Variants in DMXL2 observed in about 807,000 individuals in gnomAD.
DMXL2 encodes the protein dmX-like protein 2.
Under a neutral mutation model 331.1 loss-of-function variants are expected in DMXL2, and 103 were observed. The ratio of observed to expected loss-of-function variants is 0.31; its 90% CI spans 0.27 to 0.37. DMXL2 has a LOEUF of 0.37. Ranked by LOEUF, DMXL2 falls within the 10% of genes least tolerant of loss-of-function variation. DMXL2 has a pLI of 1.00. For synonymous variants in DMXL2, 1,281 were observed against 1,252.1 expected (o/e 1.02, Z -0.49); for missense variants, 3,171 against 3,642.9 (o/e 0.87, Z 3.33).
chr15:51,535,720 ATAGAGTCTCAGATT>A lies in DMXL2; in HGVS notation c.2365_2378del (p.Asn789SerfsTer12). On this transcript the variant is annotated frameshift_variant, in exon 13 of 44. Coordinates refer to ENST00000560891, the MANE Select transcript of DMXL2 (RefSeq NM_001378457.1). LOFTEE classifies it high-confidence loss of function. ...ATTTCCTTGCATCCACTACAGCTTG[ATAGAGTCTCAGATT>A]TTTGCCATCAGAAGCAACAAAGCAA... 6.2e-7 allele frequency: 1 copy of A among 1,610,388 alleles called. No individual in the cohort carries two copies. The highest frequency in any genetic ancestry group is 8.5e-7 in the Non-Finnish European group (1 of 1,178,132).
Position 51,536,575 on chromosome 15 carries a change from G to A in DMXL2, c.1905C>T (p.Thr635=). Residue 635 remains threonine (T), a synonymous_variant, in exon 12 of 44, where the codon ACC becomes ACT. Coordinates refer to ENST00000560891, the MANE Select transcript of DMXL2 (RefSeq NM_001378457.1). The part of the protein sequence containing the change: ...AVTFADKSAF[T]TVLTVSHKFR... ...ATTTGTGAGATACAGTTAGAACAGTGGTAAAGGCAGACTTATCAGCAAAAG... is the reference window on the plus strand; with the variant it reads ...ATTTGTGAGATACAGTTAGAACAGTAGTAAAGGCAGACTTATCAGCAAAAG... 6.2e-7 allele frequency: 1 copy of A among 1,613,914 alleles called. No homozygotes were observed. The highest frequency in any genetic ancestry group is 8.5e-7 in the Non-Finnish European group (1 of 1,179,946).
chr15:51,451,032 G>GAGTT (rs909135596), intron 42 of DMXL2, among the ~76,000 whole-genome samples: 3 of 152,226 alleles, frequency 2.0e-5, no homozygotes, highest in Non-Finnish European at 4.4e-5. Context: ...GTGGAAGACA[G>GAGTT]AGTTAGGACA....
At position 51,542,385 on chromosome 15, in the gene DMXL2, A is replaced by C. The variant is rs2140914197; in HGVS notation, c.1053T>G (p.His351Gln). ...TATGAAAATGACAGAGTGCATTTGCATGGTGGGAAATGTGTCTTTGAACTT... is the reference window on the plus strand; with the variant it reads ...TATGAAAATGACAGAGTGCATTTGCCTGGTGGGAAATGTGTCTTTGAACTT... ...MHEVQRHISH[H>Q]ANALCHFHIA... Residue 351 changes from histidine (H) to glutamine (Q), a missense_variant, in exon 9 of 44, where the codon CAT becomes CAG. Coordinates refer to ENST00000560891, the MANE Select transcript of DMXL2 (RefSeq NM_001378457.1). 1 of 1,613,848 alleles carries C rather than the reference A, an allele frequency of 6.2e-7. No individual in the cohort carries two copies. The highest frequency in any genetic ancestry group is 1.7e-4 in the Middle Eastern group (1 of 6,060).
At chr15:51,530,016 T>C (rs974649929) in intron 13 of DMXL2, among the ~76,000 whole-genome samples, 2 of 152,064 alleles carry the variant, frequency 1.3e-5, no homozygotes, top group African/African-American at 4.8e-5. Flanking sequence ...AAAAATTTTT[T>C]AGCATCAATT....
Position 51,582,530 on chromosome 15 carries a change from T to C in DMXL2, c.88-6349A>G, listed in dbSNP as rs987595129. ...GTCTTAAGAGGCCAGTGTTGACATATGAAAAATCTTACAACCAAGAGGACA... is the reference window on the plus strand; with the variant it reads ...GTCTTAAGAGGCCAGTGTTGACATACGAAAAATCTTACAACCAAGAGGACA... On this transcript the variant is annotated intron_variant, in intron 1 of 43. Transcript: ENST00000560891. Among the ~76,000 whole-genome samples the C allele has an allele frequency of 9.2e-5, 14 of 152,158 alleles. No individual in the cohort carries two copies. The East Asian group carries it at 1.5e-3, about 17-fold the overall frequency.
chr15:51,506,936 C>A (rs1422533750), intron 16 of DMXL2, among the ~76,000 whole-genome samples, 198 bp downstream of exon 16: 2 of 151,712 alleles, frequency 1.3e-5, no homozygotes, highest in African/African-American at 4.8e-5. Flanking sequence ...GTCTAATGTG[C>A]CCTTAGGCTG....
At chr15:51,564,316 G>C in intron 4 of DMXL2, 56 bp from the exon 5 acceptor site, 1 of 1,337,632 alleles carries the variant, frequency 7.5e-7, no homozygotes, top group Non-Finnish European at 1.0e-6. Context: ...GGAAATAAAT[G>C]CACATGGGCT....
chr15:51,580,161 A>G (rs1187691569), intron 1 of DMXL2, among the ~76,000 whole-genome samples: 1 of 152,204 alleles, frequency 6.6e-6, no homozygotes, highest in Admixed American at 6.5e-5. Flanking sequence ...TCTATAATTT[A>G]CTCAAAAGAT....
At chr15:51,476,805 T>C in intron 26 of DMXL2, 86 bp from the exon 27 acceptor site, 2 of 1,142,714 alleles carry the variant, frequency 1.8e-6, no homozygotes, top group Non-Finnish European at 2.4e-6. Context: ...TAGACACCTA[T>C]TTTAAGAAAC....
chr15:51,470,600 T>C (rs2041010960), intron 29 of DMXL2, among the ~76,000 whole-genome samples: 1 of 152,168 alleles, frequency 6.6e-6, no homozygotes, highest in Admixed American at 6.5e-5. Flanking sequence ...TATTCCCTCA[T>C]GTGTATGCAC....
chr15:51,533,080 G>C (rs1236466358), intron 13 of DMXL2, among the ~76,000 whole-genome samples: 1 of 152,182 alleles, frequency 6.6e-6, no homozygotes, highest in African/African-American at 2.4e-5. Flanking sequence ...ACCCTTTACA[G>C]TCAGTAGAAT....
In DMXL2 at chr15:51,459,598, C is replaced by T. The variant is rs935020550; in HGVS notation, c.7989G>A (p.Lys2663=). The T allele has an allele frequency of 1.6e-6, 2 of 1,289,648 alleles. No homozygotes were observed. The highest frequency in any genetic ancestry group is 3.0e-5 in the African/African-American group (2 of 65,854). The allele number at this position is 1,289,648 out of a possible 1,614,324, so 79.9% of individuals were successfully genotyped here. A position where few individuals can be genotyped will look rare whatever the true frequency, so the allele number is the denominator to read the frequency against. The stretch of plus-strand genomic sequence containing the variant: ...TAAATACAAGATCTTGGAATACTAC[C>T]TTGATGTGGCAATCTTCTGCTATGC... The part of the protein sequence containing the change: ...QNCIAEDCHI[K]VEADLGYPGG... Residue 2663 remains lysine (K), a splice_region_variant and synonymous_variant, in exon 34 of 44, where the codon AAG becomes AAA. Transcript: ENST00000560891.
intron 39 of DMXL2, 29 bp downstream of exon 39, chr15:51,456,037 G>T: frequency 6.2e-7 from 1 of 1,609,676 alleles, no homozygotes; most frequent in South Asian, 1.1e-5. Context: ...ATTTTCAGAT[G>T]AATTCAGCAG....
chr15:51,491,309 C>T (rs577132605), intron 20 of DMXL2, among the ~76,000 whole-genome samples: 4 of 152,150 alleles, frequency 2.6e-5, no homozygotes, highest in Admixed American at 6.5e-5. Context: ...GATGTGGTGG[C>T]GCACGCCTGT....
At chr15:51,572,668 G>C (rs1011707352) in intron 2 of DMXL2, among the ~76,000 whole-genome samples, 1 of 152,132 alleles carries the variant, frequency 6.6e-6, no homozygotes, top group African/African-American at 2.4e-5. Flanking sequence ...CACATAAAGA[G>C]AACCGATGAC....
chr15:51,567,467 T>C (rs2050369278), intron 3 of DMXL2: 2 of 152,086 alleles, frequency 1.3e-5, no homozygotes, highest in African/African-American at 4.8e-5. Context: ...AATTTTTAAA[T>C]AGCAAGATAA....
At position 51,545,571 on chromosome 15, in the gene DMXL2, A is replaced by G. The variant is rs1346557196; in HGVS notation, c.930+12T>C. On this transcript the variant is annotated intron_variant, in intron 8 of 43. Transcript: ENST00000560891. The stretch of plus-strand genomic sequence containing the variant: ...CTTCAAAATTCATTTACCATTTTAA[A>G]TAATATAATACCTCAAGAGCATGCT... 6.3e-7 allele frequency: 1 copy of G among 1,594,822 alleles called. No homozygotes were observed. The highest frequency in any genetic ancestry group is 8.5e-7 in the Non-Finnish European group (1 of 1,170,168).
Position 51,466,125 on chromosome 15 carries a change from A to G in DMXL2, c.7520+59T>C. On this transcript the variant is annotated intron_variant, in intron 30 of 43. Coordinates refer to ENST00000560891, the MANE Select transcript of DMXL2 (RefSeq NM_001378457.1). ...ATGTTATTTAAAATTAATAACATTG[A>G]TATTTTCTACAAAAAGAAAAGCCAA... The G allele has an allele frequency of 2.4e-6, 3 of 1,252,182 alleles. No individual in the cohort carries two copies. The Admixed American group carries it at 8.6e-5, about 36-fold the overall frequency. The allele number at this position is 1,252,182 out of a possible 1,614,324, so 77.6% of individuals were successfully genotyped here.
At chr15:51,526,460 C>A (rs1596127121) in intron 13 of DMXL2, among the ~76,000 whole-genome samples, 1 of 152,188 alleles carries the variant, frequency 6.6e-6, no homozygotes, top group East Asian at 1.9e-4. Context: ...GTGAAGATTA[C>A]AACAAATACC....
Sources: allele counts gnomAD v4.1 joint callset (sites outside exome capture counted in the v4.1 genomes callset), GRCh38; gene constraint gnomAD v4.1.1; transcripts MANE v1.5; gene names NCBI Gene and HGNC (gene_info 2026-07-23, HGNC 2026-07-21).